Variants in CDKN1A observed in about 807,000 individuals in gnomAD.
CDKN1A encodes the protein cyclin dependent kinase inhibitor 1A.
In CDKN1A, 14 loss-of-function variants were observed where a neutral mutation model predicts 14.8. That is an observed-to-expected ratio of 0.94 (90% confidence interval 0.62 to 1.48). The LOEUF (loss-of-function observed/expected upper bound fraction) is 1.48, where lower values mean the gene tolerates loss of function less well. CDKN1A is among the 40% of genes most tolerant of loss of function. The pLI, the probability that CDKN1A is intolerant of heterozygous loss-of-function variation, is 0.00. For missense variants in CDKN1A, 203 were observed against 231.7 expected, an observed-to-expected ratio of 0.88 and a Z score of 0.80; for synonymous variants, 92 against 93.5, an observed-to-expected ratio of 0.98 and a Z score of 0.09.
intron 1 of CDKN1A, among the ~76,000 whole-genome samples, chr6:36,680,180 C>A (rs563733227): frequency 6.6e-6 from 1 of 152,146 alleles, no homozygotes; most frequent in Admixed American, 6.5e-5. Flanking sequence ...GACTTGCGAG[C>A]GGTTTTGTTT....
At position 36,685,916 on chromosome 6, in the gene CDKN1A, A is replaced by G. The variant is rs951389423; in HGVS notation, c.*116A>G. 33 of 1,044,366 alleles carry G rather than the reference A, an allele frequency of 3.2e-5. 1 individual carries two copies. The highest frequency in any genetic ancestry group is 2.1e-4 in the South Asian group (17 of 79,590). The allele number at this position is 1,044,366 out of a possible 1,614,324, so 64.7% of individuals were successfully genotyped here. On this transcript the variant is annotated 3_prime_UTR_variant, in exon 3 of 3. Coordinates refer to ENST00000244741, the MANE Select transcript of CDKN1A (RefSeq NM_000389.5). The stretch of plus-strand genomic sequence containing the variant: ...AATTATTATTTGTGTTTTAATTTAA[A>G]CACCTCCTCATGTACATACCCTGGC...
upstream of CDKN1A, among the ~76,000 whole-genome samples, chr6:36,677,356 G>A (rs1486555875): frequency 6.6e-6 from 1 of 152,198 alleles, no homozygotes; most frequent in Non-Finnish European, 1.5e-5. Context: ...TGTCTGGGCA[G>A]AGATTTCCAG....
At chr6:36,678,249 G>A (rs563732309), upstream of CDKN1A, 1 of 225,186 alleles carries the variant, frequency 4.4e-6, no homozygotes, top group South Asian at 5.3e-5. The surrounding 1 kb of genome is among the most constrained non-coding windows in gnomAD (Gnocchi z 5.7). Flanking sequence ...ATTGCAGAGA[G>A]GTGCATCGTT....
intron 2 of CDKN1A, among the ~76,000 whole-genome samples, chr6:36,685,166 A>ACTTGC (rs1047876443): frequency 1.3e-5 from 2 of 152,198 alleles, no homozygotes; most frequent in Non-Finnish European, 2.9e-5. Context: ...GGGCAAGGAA[A>ACTTGC]CCAGGCTCAG....
upstream of CDKN1A, chr6:36,677,744 G>A: frequency 6.9e-6 from 4 of 580,402 alleles, no homozygotes; most frequent in South Asian, 6.6e-5. Flanking sequence ...CAAAAGTCCT[G>A]TGTTCCAACT....
rs1336229222 is a variant in CDKN1A, at chr6:36,679,064, A to T, written c.-6+266A>T. 3.2e-5 allele frequency: 27 copies of T among 840,922 alleles called. No individual in the cohort carries two copies. In the Admixed American group the frequency reaches 7.5e-4, roughly 23 times the overall value. 52.1% of individuals were successfully genotyped at this position (840,922 alleles called of 1,614,324 possible). On this transcript the variant is annotated intron_variant, in intron 1 of 2. Coordinates refer to ENST00000244741, the MANE Select transcript of CDKN1A (RefSeq NM_000389.5). ...GGAGAGCGGGATTACAAGTACAGGA[A>T]TCCCTGGTCACGCTCCCCGCCCCTG...
chr6:36,680,623 C>A (rs960713282), intron 1 of CDKN1A: 2 of 152,240 alleles, frequency 1.3e-5, no homozygotes, highest in African/African-American at 4.8e-5. Flanking sequence ...CGCCCCCTCC[C>A]GGCCCTGGCG....
rs541349344 is a variant in CDKN1A at position 36,679,189 on chromosome 6, C to T, written c.-6+391C>T. Among the ~76,000 whole-genome samples the T allele has an allele frequency of 1.7e-3, 266 of 152,288 alleles. 1 individual carries two copies. The highest frequency in any genetic ancestry group is 6.3e-3 in the African/African-American group (261 of 41,566). ...GGCCCCAGGCGCAGTTTGCTCGCGGCGTGGGGATGAAGTCCGTGTCCCTGG... is the reference window on the plus strand; with the variant it reads ...GGCCCCAGGCGCAGTTTGCTCGCGGTGTGGGGATGAAGTCCGTGTCCCTGG... On this transcript the variant is annotated intron_variant, in intron 1 of 2. Coordinates refer to ENST00000244741, the MANE Select transcript of CDKN1A (RefSeq NM_000389.5).
chr6:36,683,762 G>A (rs190521995), intron 1 of CDKN1A, among the ~76,000 whole-genome samples: 3 of 152,358 alleles, frequency 2.0e-5, no homozygotes, highest in African/African-American at 7.2e-5. Flanking sequence ...ACCCATGAGG[G>A]ACACCTCTGG....
upstream of CDKN1A, among the ~76,000 whole-genome samples, chr6:36,677,073 C>A (rs751000399): frequency 6.6e-6 from 1 of 152,152 alleles, no homozygotes; most frequent in African/African-American, 2.4e-5. Flanking sequence ...GGTGCCTGTC[C>A]TCTGCTGGAC....
In CDKN1A at chr6:36,686,657, T is replaced by G. The variant is rs1345101601; in HGVS notation, c.*857T>G. 8.6e-6 allele frequency: 2 copies of G among 233,752 alleles called. No homozygotes were observed. The highest frequency in any genetic ancestry group is 6.0e-5 in the East Asian group (1 of 16,594). 14.5% of individuals were successfully genotyped at this position (233,752 alleles called of 1,614,324 possible). ...CCTTCAGTACCCTCTCAGCTCCAGG[T>G]GGCTCTGAGGTGCCTGTCCCACCCC... On this transcript the variant is annotated 3_prime_UTR_variant, in exon 3 of 3. Transcript: ENST00000244741. This position sits in a 1 kb window ranked among gnomAD's most constrained non-coding sequence, Gnocchi z 4.9.
At chr6:36,680,003 GGCGCCGCCGCCTGGC>G (rs1426268553) in intron 1 of CDKN1A, among the ~76,000 whole-genome samples, 1 of 152,264 alleles carries the variant, frequency 6.6e-6, no homozygotes, top group South Asian at 2.1e-4. Context: ...CGCCCCCTGG[GGCGCCGCCGCCTGGC>G]GCGGACCACA....
At chr6:36,680,808 C>T (rs1021082130) in intron 1 of CDKN1A, 2 of 152,202 alleles carry the variant, frequency 1.3e-5, no homozygotes, top group Non-Finnish European at 2.9e-5. Context: ...TGGCTGAAGT[C>T]TAAGGCAGGA....
At chr6:36,681,387 T>TTCTTTC (rs1554185393) in intron 1 of CDKN1A, among the ~76,000 whole-genome samples, 1 of 102,504 alleles carries the variant, frequency 9.8e-6, no homozygotes, top group Non-Finnish European at 1.9e-5. Flanking sequence ...CTTTCTTTCT[T>TTCTTTC]TCTTTCTTTC....
intron 1 of CDKN1A, among the ~76,000 whole-genome samples, chr6:36,682,066 C>T (rs1762037373): frequency 1.3e-5 from 2 of 152,116 alleles, no homozygotes; most frequent in South Asian, 4.1e-4. Context: ...TTGTGATGGG[C>T]CTCTCTGGTT....
At position 36,684,994 on chromosome 6, in the gene CDKN1A, T is replaced by C. The variant is rs988626343; in HGVS notation, c.445+448T>C. ...AGCTGGGACTATAGTTGTACACCAC[T>C]ACGCCCGGTTAATTTTTTGAGTTTT... On this transcript the variant is annotated intron_variant, in intron 2 of 2. Coordinates refer to ENST00000244741, the MANE Select transcript of CDKN1A (RefSeq NM_000389.5). The surrounding 1 kb of genome is among the most constrained non-coding windows in gnomAD (Gnocchi z 6.0). 1.3e-5 allele frequency among the ~76,000 whole-genome samples: 2 copies of C among 152,120 alleles called. No individual in the cohort carries two copies. Among genetic ancestry groups the C allele is most frequent in the African/African-American group, 4.8e-5 (2 of 41,418 alleles).
chr6:36,679,182 C>T (rs377177083), intron 1 of CDKN1A, among the ~76,000 whole-genome samples: 3 of 152,358 alleles, frequency 2.0e-5, no homozygotes, highest in East Asian at 3.9e-4. Flanking sequence ...GCGCAGTTTG[C>T]TCGCGGCGTG....
chr6:36,677,575 C>T (rs1173117833), upstream of CDKN1A: 2 of 359,594 alleles, frequency 5.6e-6, no homozygotes, highest in Non-Finnish European at 1.1e-5. Context: ...ACACATCACT[C>T]ATTTCTGTGT....
Position 36,685,904 on chromosome 6 carries a change from G to T in CDKN1A, c.*104G>T. On this transcript the variant is annotated 3_prime_UTR_variant, in exon 3 of 3. Coordinates refer to ENST00000244741, the MANE Select transcript of CDKN1A (RefSeq NM_000389.5). ...TTTGTGTGTCTTAATTATTATTTGTGTTTTAATTTAAACACCTCCTCATGT... is the reference window on the plus strand; with the variant it reads ...TTTGTGTGTCTTAATTATTATTTGTTTTTTAATTTAAACACCTCCTCATGT... 8.5e-7 allele frequency: 1 copy of T among 1,178,724 alleles called. No individual in the cohort carries two copies. 73.0% of individuals were successfully genotyped at this position (1,178,724 alleles called of 1,614,324 possible). A position where few individuals can be genotyped will look rare whatever the true frequency, so the allele number is the denominator to read the frequency against.
Sources: gnomAD v4.1 joint callset for allele counts (sites outside exome capture counted in the v4.1 genomes callset) on GRCh38, gnomAD v4.1.1 for gene constraint, Gnocchi (gnomAD v3.1) non-coding constraint, MANE v1.5 for transcripts, NCBI Gene and HGNC (gene_info 2026-07-23, HGNC 2026-07-21) for gene names.